Variants in PRKG1 observed in about 807,000 individuals in gnomAD.
The protein encoded by PRKG1 is cGMP-dependent protein kinase 1.
A neutral mutation model predicts 88.1 loss-of-function variants in PRKG1; 35 were observed. The observed-to-expected ratio is 0.40, with a 90% CI of 0.30 to 0.53. The LOEUF (loss-of-function observed/expected upper bound fraction) is 0.53, where lower values mean the gene tolerates loss of function less well. Ranked by LOEUF, PRKG1 falls within the 20% of genes least tolerant of loss-of-function variation. The probability of loss-of-function intolerance (pLI) is 0.59; values close to 1 mark genes in which losing one functional copy is unlikely to be tolerated. For synonymous variants in PRKG1, 303 were observed against 292.5 expected, an observed-to-expected ratio of 1.04 and a Z score of -0.37; for missense variants, 540 against 839.8, an observed-to-expected ratio of 0.64 and a Z score of 4.41.
chr10:51,086,470 T>C (rs943161735), intron 1 of PRKG1, among the ~76,000 whole-genome samples: 12 of 152,188 alleles, frequency 7.9e-5, no homozygotes, highest in African/African-American at 2.7e-4. Flanking sequence ...AGAAGCATTA[T>C]GGATATGTGT....
intron 5 of PRKG1, among the ~76,000 whole-genome samples, chr10:51,974,629 G>T (rs1453987338): frequency 2.0e-5 from 3 of 152,008 alleles, no homozygotes; most frequent in Admixed American, 1.3e-4. Flanking sequence ...TTTACCTAAA[G>T]ACCCCTAATT....
intron 3 of PRKG1, among the ~76,000 whole-genome samples, chr10:51,727,724 T>C (rs767726351): frequency 3.9e-5 from 6 of 152,172 alleles, no homozygotes; most frequent in Non-Finnish European, 8.8e-5. Flanking sequence ...TTATGTAGTC[T>C]AGCAGAGGAA....
At chr10:51,676,736 C>T (rs957473723) in intron 3 of PRKG1, among the ~76,000 whole-genome samples, 1 of 152,090 alleles carries the variant, frequency 6.6e-6, no homozygotes, top group African/African-American at 2.4e-5. Flanking sequence ...AAGCCAGAAA[C>T]CATTTGCTGT....
At chr10:52,239,521 TAAAAAAA>T in intron 9 of PRKG1, among the ~76,000 whole-genome samples, 19 of 56,738 alleles carry the variant, frequency 3.3e-4, no homozygotes, top group African/African-American at 1.3e-3. Flanking sequence ...TTCTACAGTG[TAAAAAAA>T]AAAAAAAAAA....
At chr10:52,123,495 A>G (rs371583948) in intron 7 of PRKG1, among the ~76,000 whole-genome samples, 2 of 152,158 alleles carry the variant, frequency 1.3e-5, no homozygotes, top group South Asian at 2.1e-4. Flanking sequence ...ACTCAAGTCT[A>G]TGTTTATCAT....
At chr10:51,241,187 G>A (rs1839141685) in intron 2 of PRKG1, among the ~76,000 whole-genome samples, 1 of 152,002 alleles carries the variant, frequency 6.6e-6, no homozygotes, top group African/African-American at 2.4e-5. Flanking sequence ...AATGAAATCT[G>A]CCTGATGTCA....
intron 5 of PRKG1, among the ~76,000 whole-genome samples, chr10:51,931,728 A>G (rs1842700170): frequency 6.6e-6 from 1 of 152,234 alleles, no homozygotes; most frequent in Admixed American, 6.5e-5. Context: ...GGAATCAAGA[A>G]ATAATTTTGC....
intron 4 of PRKG1, among the ~76,000 whole-genome samples, chr10:51,900,477 T>C (rs1172888250): frequency 6.6e-6 from 1 of 152,202 alleles, no homozygotes; most frequent in Non-Finnish European, 1.5e-5. Flanking sequence ...TTTTATAACA[T>C]TATGCTTTGG....
At chr10:51,269,304 A>G (rs1192203229) in intron 2 of PRKG1, among the ~76,000 whole-genome samples, 1 of 152,182 alleles carries the variant, frequency 6.6e-6, no homozygotes, top group East Asian at 1.9e-4. Context: ...ATCACTGTGG[A>G]AAACACTATG....
At chr10:51,337,655 A>C (rs1841909397) in intron 2 of PRKG1, among the ~76,000 whole-genome samples, 1 of 152,218 alleles carries the variant, frequency 6.6e-6, no homozygotes, top group South Asian at 2.1e-4. Flanking sequence ...AAAAAAGCTC[A>C]ACATTACTGA....
chr10:51,241,699 C>T (rs1029308807), intron 2 of PRKG1, among the ~76,000 whole-genome samples: 1 of 152,080 alleles, frequency 6.6e-6, no homozygotes, highest in Non-Finnish European at 1.5e-5. Context: ...CTCTTTCTGC[C>T]AAAGTCTCTC....
chr10:51,158,867 C>CT (rs1480744891), intron 2 of PRKG1, among the ~76,000 whole-genome samples: 1 of 151,986 alleles, frequency 6.6e-6, no homozygotes, highest in East Asian at 1.9e-4. Flanking sequence ...ACAAATGACT[C>CT]TTTTAATGGA....
intron 5 of PRKG1, among the ~76,000 whole-genome samples, chr10:52,009,851 G>C (rs1844836895): frequency 1.3e-5 from 2 of 151,992 alleles, no homozygotes; most frequent in Admixed American, 6.6e-5. Context: ...AGAGTAGACA[G>C]CACAGAAGTA....
At chr10:52,137,312 C>T (rs1380266394) in intron 8 of PRKG1, among the ~76,000 whole-genome samples, 1 of 151,942 alleles carries the variant, frequency 6.6e-6, no homozygotes, top group Non-Finnish European at 1.5e-5. Flanking sequence ...TTGTAGTCTA[C>T]TTATTATCTT....
At chr10:51,238,247 G>A (rs1331400010) in intron 2 of PRKG1, among the ~76,000 whole-genome samples, 3 of 152,064 alleles carry the variant, frequency 2.0e-5, no homozygotes, top group Admixed American at 6.6e-5. Context: ...AACTTTCATC[G>A]TTGTACTTTA....
At chr10:51,736,329 T>G (rs1239407102) in intron 3 of PRKG1, among the ~76,000 whole-genome samples, 2 of 152,024 alleles carry the variant, frequency 1.3e-5, no homozygotes, top group South Asian at 4.1e-4. Context: ...ATGCCCAGAC[T>G]GGTCTCGAAC....
chr10:51,583,128 A>G (rs10823239), intron 3 of PRKG1, among the ~76,000 whole-genome samples: 40,879 of 152,026 alleles, frequency 0.27, 7,438 homozygotes, highest in East Asian at 0.87. Flanking sequence ...CAGAAAGAAT[A>G]TAGCACAGTA....
At chr10:52,197,271 C>A (rs1564512677) in intron 9 of PRKG1, among the ~76,000 whole-genome samples, 1 of 152,198 alleles carries the variant, frequency 6.6e-6, no homozygotes, top group East Asian at 1.9e-4. Flanking sequence ...ACATTCCACC[C>A]CAGCATGAGA....
chr10:51,278,608 A>C (rs192341084), intron 2 of PRKG1, among the ~76,000 whole-genome samples: 356 of 152,260 alleles, frequency 2.3e-3, no homozygotes, highest in African/African-American at 7.8e-3. Flanking sequence ...TTGGTAGGCT[A>C]TTAACTATTG....
Sources: gnomAD v4.1 joint callset for allele counts (sites outside exome capture counted in the v4.1 genomes callset) on GRCh38, gnomAD v4.1.1 for gene constraint, MANE v1.5 for transcripts, NCBI Gene and HGNC (gene_info 2026-07-23, HGNC 2026-07-21) for gene names.